Variants in GFOD1 observed in about 807,000 individuals in gnomAD.
The protein encoded by GFOD1 is Gfo/Idh/MocA-like oxidoreductase domain containing 1.
GFOD1 carries 9 observed loss-of-function variants against 25.4 expected under a neutral mutation model. That is an observed-to-expected ratio of 0.35 (90% CI 0.21 to 0.62). GFOD1 has a LOEUF of 0.62. GFOD1 is among the 20% of genes least tolerant of loss of function. The pLI is 0.72. For synonymous variants in GFOD1, 253 were observed against 245.6 expected (o/e 1.03, Z -0.28); for missense variants, 403 against 556.9 (o/e 0.72, Z 2.78).
In GFOD1 at chr6:13,403,030, C is replaced by G. The variant is rs538831585; in HGVS notation, c.254-37368G>C. On this transcript the variant is annotated intron_variant, in intron 1 of 1. Coordinates refer to ENST00000379287, the MANE Select transcript of GFOD1 (RefSeq NM_018988.4). ...AGAAATGCATCATTAGGCGATTTTG[C>G]TGTGCAAACATTATACAGTGTACTT... 1.7e-3 allele frequency among the ~76,000 whole-genome samples: 262 copies of G among 150,914 alleles called. 1 individual carries two copies. The highest frequency in any genetic ancestry group is 6.1e-3 in the African/African-American group (252 of 41,038).
intron 1 of GFOD1, among the ~76,000 whole-genome samples, chr6:13,458,280 G>A (rs991549262): frequency 3.3e-5 from 5 of 152,046 alleles, no homozygotes; most frequent in Admixed American, 2.0e-4. Context: ...ACCATGCCCA[G>A]CTAATTTTTG....
chr6:13,410,713 T>C (rs964908527), intron 1 of GFOD1, among the ~76,000 whole-genome samples: 3 of 150,954 alleles, frequency 2.0e-5, no homozygotes, highest in Non-Finnish European at 4.4e-5. Context: ...CAGAAAAAAG[T>C]AGAGAACAAT....
At chr6:13,418,392 C>T (rs1181659548) in intron 1 of GFOD1, among the ~76,000 whole-genome samples, 6 of 152,230 alleles carry the variant, frequency 3.9e-5, no homozygotes, top group Admixed American at 1.3e-4. Flanking sequence ...CATCACTGAT[C>T]AAACTAGGTC....
At chr6:13,463,983 C>CA (rs1402467647) in intron 1 of GFOD1, among the ~76,000 whole-genome samples, 1 of 152,062 alleles carries the variant, frequency 6.6e-6, no homozygotes, top group East Asian at 1.9e-4. Flanking sequence ...CAACATACAA[C>CA]AAAAAACAAA....
chr6:13,410,427 G>T (rs1655963190), intron 1 of GFOD1, among the ~76,000 whole-genome samples: 2 of 151,864 alleles, frequency 1.3e-5, no homozygotes, highest in Non-Finnish European at 2.9e-5. Context: ...ATTAGCTGGG[G>T]GTGGTGGTGC....
chr6:13,454,022 A>C (rs1446192475), intron 1 of GFOD1, among the ~76,000 whole-genome samples: 1 of 152,244 alleles, frequency 6.6e-6, no homozygotes, highest in African/African-American at 2.4e-5. Context: ...TGAAGTCATG[A>C]GGGTTGGCCC....
At chr6:13,450,235 G>A (rs116412472) in intron 1 of GFOD1, among the ~76,000 whole-genome samples, 27 of 152,296 alleles carry the variant, frequency 1.8e-4, no homozygotes, top group African/African-American at 6.0e-4. Flanking sequence ...TAATCATGAC[G>A]CCACAGTTGC....
chr6:13,430,993 G>A lies in GFOD1; in HGVS notation c.253+55645C>T, dbSNP rs552245669. ...TGCCATATTTATACATCGGGAAACC[G>A]AGGCATAAAGAAAGCAGTGAAGGCA... On this transcript the variant is annotated intron_variant, in intron 1 of 1. Coordinates refer to ENST00000379287, the MANE Select transcript of GFOD1 (RefSeq NM_018988.4). The surrounding 1 kb of genome is among the most constrained non-coding windows in gnomAD (Gnocchi z 4.1). Among the ~76,000 whole-genome samples, 9 of 152,332 alleles carry A rather than the reference G, an allele frequency of 5.9e-5. No homozygotes were observed. The East Asian group carries it at 1.2e-3, about 20-fold the overall frequency.
In GFOD1 at chr6:13,364,888, G is replaced by T; in HGVS notation, c.1028C>A (p.Ala343Asp). The T allele has an allele frequency of 6.2e-7, 1 of 1,613,836 alleles. No individual in the cohort carries two copies. The highest frequency in any genetic ancestry group is 8.5e-7 in the Non-Finnish European group (1 of 1,180,032). ...CTTGATGGTGTCCACCACGCACAAG[G>T]CATACAGGCAGTCGTCGAAGGTGGC... The part of the protein sequence containing the change: ...MAATFDDCLY[A>D]LCVVDTIKRS... The change falls in exon 2 of 2, where the codon GCC becomes GAC. Residue 343 changes from alanine to aspartate, a missense_variant. By Grantham distance (126) the Ala-to-Asp change is moderately radical (BLOSUM62 -2). Coordinates refer to ENST00000379287, the MANE Select transcript of GFOD1 (RefSeq NM_018988.4). This position sits in a 1 kb window ranked among gnomAD's most constrained non-coding sequence, Gnocchi z 4.1.
intron 1 of GFOD1, among the ~76,000 whole-genome samples, chr6:13,396,852 T>A (rs9474109): frequency 0.042 from 6,424 of 152,278 alleles, 347 homozygotes; most frequent in African/African-American, 0.13. Context: ...TTAGACTTTC[T>A]ACCTCTACAA....
rs1226379374 is a variant in GFOD1 at position 13,365,040 on chromosome 6, C to A, written c.876G>T (p.Glu292Asp). Reference protein sequence around the residue: ...ATPVSNSLLPEKAFSDIPSPY... With the variant: ...ATPVSNSLLPDKAFSDIPSPY... Reference sequence around the variant, plus strand: ...GCGAGGGGATGTCGCTGAAGGCCTTCTCCGGAAGCAGGGAGTTGCTCACCG... The same window carrying A: ...GCGAGGGGATGTCGCTGAAGGCCTTATCCGGAAGCAGGGAGTTGCTCACCG... Residue 292 changes from glutamate (E) to aspartate (D), a missense_variant, in exon 2 of 2, where the codon GAG (glutamate) becomes GAT (aspartate). Glu to Asp is a conservative substitution (Grantham distance 45). Transcript: ENST00000379287. This position sits in a 1 kb window ranked among gnomAD's most constrained non-coding sequence, Gnocchi z 9.2. The A allele has an allele frequency of 1.9e-6, 3 of 1,610,574 alleles. No individual in the cohort carries two copies. The Admixed American group carries it at 5.0e-5, about 27-fold the overall frequency.
intron 1 of GFOD1, among the ~76,000 whole-genome samples, chr6:13,459,336 C>T (rs1462420957): frequency 8.7e-6 from 1 of 114,488 alleles, no homozygotes; most frequent in Admixed American, 9.7e-5. Flanking sequence ...CCCTTCCTTA[C>T]ACCTTATACA....
intron 1 of GFOD1, among the ~76,000 whole-genome samples, chr6:13,374,366 C>T (rs1487231794): frequency 6.7e-6 from 1 of 148,776 alleles, no homozygotes; most frequent in African/African-American, 2.5e-5. Flanking sequence ...TGCAGTGGTA[C>T]AATCTCAACT....
intron 1 of GFOD1, among the ~76,000 whole-genome samples, chr6:13,436,231 C>T (rs1757831168): frequency 6.6e-6 from 1 of 151,444 alleles, no homozygotes; most frequent in South Asian, 2.1e-4. Context: ...ATTTTGAAAG[C>T]ACATAAATAA....
chr6:13,394,466 ATTTTTTTTTT>A (rs70989855), intron 1 of GFOD1, among the ~76,000 whole-genome samples: 8 of 75,924 alleles, frequency 1.1e-4, no homozygotes, highest in African/African-American at 3.3e-4. Flanking sequence ...TACCCTTTGA[ATTTTTTTTTT>A]TTTTTTTTTT....
chr6:13,432,468 A>C (rs993242517), intron 1 of GFOD1, among the ~76,000 whole-genome samples: 1 of 152,030 alleles, frequency 6.6e-6, no homozygotes, highest in African/African-American at 2.4e-5. Flanking sequence ...TTGGCCTCCC[A>C]AAGTGCTAGG....
intron 1 of GFOD1, among the ~76,000 whole-genome samples, chr6:13,411,630 C>T (rs1014285950): frequency 6.6e-6 from 1 of 152,122 alleles, no homozygotes; most frequent in East Asian, 1.9e-4. Context: ...CCCTGCAGCC[C>T]GGTTTCCTCA....
In GFOD1 at chr6:13,360,659, G is replaced by A. The variant is rs1207891851; in HGVS notation, c.*4084C>T. ...GAGTGATATTTCCATTTTGGAATGGGAAGAAACACTGGCTACTTCTATGTG... is the reference window on the plus strand; with the variant it reads ...GAGTGATATTTCCATTTTGGAATGGAAAGAAACACTGGCTACTTCTATGTG... On this transcript the variant is annotated 3_prime_UTR_variant, in exon 2 of 2. Transcript: ENST00000379287. The A allele has an allele frequency of 4.4e-6, 2 of 450,858 alleles. No individual in the cohort carries two copies. The highest frequency in any genetic ancestry group is 9.0e-6 in the Non-Finnish European group (2 of 222,078). 27.9% of individuals were successfully genotyped at this position (450,858 alleles called of 1,614,324 possible). A position where few individuals can be genotyped will look rare whatever the true frequency, so the allele number is the denominator to read the frequency against.
intron 1 of GFOD1, among the ~76,000 whole-genome samples, chr6:13,385,084 A>G (rs1196049853): frequency 2.6e-5 from 4 of 152,138 alleles, no homozygotes; most frequent in Admixed American, 6.5e-5. Flanking sequence ...GTACCCTACA[A>G]TGAGAGTTGC....
Sources: allele counts gnomAD v4.1 joint callset (sites outside exome capture counted in the v4.1 genomes callset), GRCh38; gene constraint gnomAD v4.1.1; non-coding constraint Gnocchi (gnomAD v3.1); transcripts MANE v1.5; gene names NCBI Gene and HGNC (gene_info 2026-07-23, HGNC 2026-07-21).